The following SLC35G2 variants were observed in gnomAD, a reference collection of about 807,000 sequenced individuals.
SLC35G2 encodes transmembrane protein 22.
Under a neutral mutation model 27.2 loss-of-function variants are expected in SLC35G2, and 20 were observed. The ratio of observed to expected loss-of-function variants is 0.74; its 90% CI spans 0.52 to 1.07. The LOEUF is 1.07. SLC35G2 is among the 50% of genes least tolerant of loss of function. The probability of loss-of-function intolerance (pLI) is 0.00; values close to 1 mark genes in which losing one functional copy is unlikely to be tolerated. For missense variants in SLC35G2, 416 were observed against 493.3 expected, an observed-to-expected ratio of 0.84 and a Z score of 1.48; for synonymous variants, 148 against 165.3, an observed-to-expected ratio of 0.90 and a Z score of 0.80.
intron 1 of SLC35G2, among the ~76,000 whole-genome samples, chr3:136,845,211 T>C (rs1047567909): frequency 1.3e-5 from 2 of 152,222 alleles, no homozygotes; most frequent in African/African-American, 2.4e-5. Context: ...TTCTTTGTTT[T>C]CCCACATTTC....
rs562950841 is a variant in SLC35G2 at position 136,855,565 on chromosome 3, T to G, written c.1105T>G (p.Phe369Val). 1.2e-6 allele frequency: 2 copies of G among 1,614,148 alleles called. No homozygotes were observed. The highest frequency in any genetic ancestry group is 1.3e-5 in the African/African-American group (1 of 75,052). ...CTTGCAGCTTCTCGTGCTGCACATA[T>G]TTCCTAGCATCTATGATGTTTTTGG... ...MVLQLLVLHIFPSIYDVFGGV... is the reference protein window; with the variant it reads ...MVLQLLVLHIVPSIYDVFGGV... Residue 369 changes from phenylalanine (F) to valine (V), a missense_variant, in exon 2 of 2, where the codon TTT becomes GTT. By Grantham distance (50) the Phe-to-Val change is conservative. Transcript: ENST00000446465.
At chr3:136,826,594 C>G (rs1369975218) in intron 1 of SLC35G2, among the ~76,000 whole-genome samples, 2 of 152,022 alleles carry the variant, frequency 1.3e-5, no homozygotes, top group Admixed American at 1.3e-4. Context: ...CTTTGAATTT[C>G]TGTGGTATCA....
chr3:136,836,076 G>T (rs991401918), intron 1 of SLC35G2, among the ~76,000 whole-genome samples: 1 of 151,976 alleles, frequency 6.6e-6, no homozygotes, highest in Non-Finnish European at 1.5e-5. Context: ...ATTGCTACTG[G>T]AGTGTTACTG....
At position 136,854,540 on chromosome 3, in the gene SLC35G2, C is replaced by T. The variant is rs1341094719; in HGVS notation, c.80C>T (p.Thr27Ile). The T allele has an allele frequency of 1.2e-6, 2 of 1,610,132 alleles. No homozygotes were observed. Among genetic ancestry groups the T allele is most frequent in the East Asian group, 2.2e-5 (1 of 44,858 alleles). ...CCCAACACAGTGATGGTGAAATATACTTCTCATTATCCCCAGCCTGGCGAT... is the reference window on the plus strand; with the variant it reads ...CCCAACACAGTGATGGTGAAATATATTTCTCATTATCCCCAGCCTGGCGAT... ...IHPNTVMVKYTSHYPQPGDDG... is the reference protein window; with the variant it reads ...IHPNTVMVKYISHYPQPGDDG... The change falls in exon 2 of 2, where the codon ACT becomes ATT. Residue 27 changes from threonine (T) to isoleucine (I), a missense_variant. Physicochemically the swap from Thr to Ile is moderately conservative, Grantham distance 89. Coordinates refer to ENST00000446465, the MANE Select transcript of SLC35G2 (RefSeq NM_025246.3).
rs761083912 is a variant in SLC35G2 at position 136,840,517 on chromosome 3, CCTCT to C, written c.-18-13918_-18-13915del. Reference sequence around the variant, plus strand: ...CTCCTCTTCCTCCCCTCCCTCCCTTCCTCTCTCTCTCCCTCCCTCCCTCTCTCCC... The same window carrying C: ...CTCCTCTTCCTCCCCTCCCTCCCTTCCTCTCTCCCTCCCTCCCTCTCTCCC... On this transcript the variant is annotated intron_variant, in intron 1 of 1. Transcript: ENST00000446465. Among the ~76,000 whole-genome samples, 191 of 148,432 alleles carry C rather than the reference CCTCT, an allele frequency of 1.3e-3. 1 individual carries two copies. The highest frequency in any genetic ancestry group is 4.5e-3 in the African/African-American group (182 of 40,426).
chr3:136,822,593 G>T (rs1452208657), intron 1 of SLC35G2, among the ~76,000 whole-genome samples: 1 of 152,190 alleles, frequency 6.6e-6, no homozygotes, highest in African/African-American at 2.4e-5. Context: ...GGGATTACAG[G>T]CGTGAGCCAC....
At chr3:136,854,298 T>C in intron 1 of SLC35G2, 145 bp from the exon 2 acceptor site, 2 of 588,572 alleles carry the variant, frequency 3.4e-6, no homozygotes, top group Admixed American at 3.3e-5. Flanking sequence ...ATAAGGCATA[T>C]TGCCAGATCA....
intron 1 of SLC35G2, among the ~76,000 whole-genome samples, chr3:136,823,955 C>T (rs541426945): frequency 7.9e-5 from 12 of 152,096 alleles, no homozygotes; most frequent in East Asian, 1.9e-4. Flanking sequence ...GTTGTTTTCC[C>T]GGTATCATTT....
intron 1 of SLC35G2, among the ~76,000 whole-genome samples, chr3:136,836,207 A>G (rs1404638515): frequency 2.0e-5 from 3 of 152,048 alleles, no homozygotes; most frequent in Non-Finnish European, 4.4e-5. Context: ...AATTTACTCC[A>G]ATATCTCTAG....
chr3:136,822,607 G>A (rs544142888), intron 1 of SLC35G2, among the ~76,000 whole-genome samples: 7 of 152,162 alleles, frequency 4.6e-5, no homozygotes, highest in South Asian at 4.1e-4. Flanking sequence ...GAGCCACTGC[G>A]CCCAGCGTAC....
chr3:136,841,043 G>T (rs983110800), intron 1 of SLC35G2, among the ~76,000 whole-genome samples: 3 of 150,334 alleles, frequency 2.0e-5, no homozygotes, highest in Non-Finnish European at 3.0e-5. Context: ...GCCCAGGCTG[G>T]TCTTGAACTC....
intron 1 of SLC35G2, among the ~76,000 whole-genome samples, chr3:136,848,351 G>T (rs1337020658): frequency 6.6e-6 from 1 of 152,170 alleles, no homozygotes; most frequent in Non-Finnish European, 1.5e-5. Flanking sequence ...GGGTGTGGTG[G>T]CTTATGCTTA....
intron 1 of SLC35G2, among the ~76,000 whole-genome samples, chr3:136,825,991 T>G (rs1231379342): frequency 2.0e-5 from 3 of 152,028 alleles, no homozygotes; most frequent in African/African-American, 7.2e-5. Context: ...CTTAAATGTT[T>G]GGTAGAATTC....
At chr3:136,836,436 G>T (rs930699703) in intron 1 of SLC35G2, among the ~76,000 whole-genome samples, 1 of 151,728 alleles carries the variant, frequency 6.6e-6, no homozygotes, top group Non-Finnish European at 1.5e-5. Flanking sequence ...GTCTCTTCCC[G>T]ACATAAATTA....
At chr3:136,852,346 A>G (rs1471113853) in intron 1 of SLC35G2, among the ~76,000 whole-genome samples, 1 of 152,094 alleles carries the variant, frequency 6.6e-6, no homozygotes, top group African/African-American at 2.4e-5. Context: ...AAAGGAGTAA[A>G]TAGGAATAGA....
chr3:136,824,748 C>T (rs1936543326), intron 1 of SLC35G2, among the ~76,000 whole-genome samples: 1 of 152,026 alleles, frequency 6.6e-6, no homozygotes, highest in Non-Finnish European at 1.5e-5. Flanking sequence ...TTATTTCTTG[C>T]TTTTTTAAAA....
chr3:136,852,497 CTT>C (rs750307553), intron 1 of SLC35G2, among the ~76,000 whole-genome samples: 8 of 142,322 alleles, frequency 5.6e-5, no homozygotes, highest in Admixed American at 7.1e-5. Flanking sequence ...TTTTCTTTTT[CTT>C]TTTTTTTTTT....
intron 1 of SLC35G2, among the ~76,000 whole-genome samples, chr3:136,844,797 C>CAAAAAAA (rs58243269): frequency 7.8e-4 from 28 of 35,740 alleles, no homozygotes; most frequent in African/African-American, 1.5e-3. Flanking sequence ...CTCTCTGTCT[C>CAAAAAAA]AAAAAAAAAA....
At position 136,855,821 on chromosome 3, in the gene SLC35G2, A is replaced by G; in HGVS notation, c.*122A>G. ...GAGTGCTATAAAATATATAATATATACAAATGCAGAAAATTTATTCTAGTC... is the reference window on the plus strand; with the variant it reads ...GAGTGCTATAAAATATATAATATATGCAAATGCAGAAAATTTATTCTAGTC... On this transcript the variant is annotated 3_prime_UTR_variant, in exon 2 of 2. Transcript: ENST00000446465. 1.5e-6 allele frequency: 1 copy of G among 688,848 alleles called. No individual in the cohort carries two copies. Among genetic ancestry groups the G allele is most frequent in the South Asian group, 2.2e-5 (1 of 45,816 alleles). The allele number at this position is 688,848 out of a possible 1,614,324, so 42.7% of individuals were successfully genotyped here. A position where few individuals can be genotyped will look rare whatever the true frequency, so the allele number is the denominator to read the frequency against.
Sources: gnomAD v4.1 joint callset for allele counts (sites outside exome capture counted in the v4.1 genomes callset) on GRCh38, gnomAD v4.1.1 for gene constraint, MANE v1.5 for transcripts, NCBI Gene and HGNC (gene_info 2026-07-23, HGNC 2026-07-21) for gene names.